NETO1: variants seen among roughly 807,000 people sequenced by gnomAD.
NETO1 encodes the protein neuropilin and tolloid-like protein 1.
NETO1 carries 26 observed loss-of-function variants against 61.3 expected under a neutral mutation model. The ratio of observed to expected loss-of-function variants is 0.42; its 90% CI spans 0.31 to 0.59. NETO1 has a LOEUF of 0.59. NETO1 is among the 20% of genes least tolerant of loss of function. The pLI is 0.12. For synonymous variants in NETO1, 225 were observed against 225.8 expected (o/e 1.00, Z 0.03); for missense variants, 531 against 662.8 (o/e 0.80, Z 2.18).
At chr18:72,808,067 G>A (rs1002614405) in intron 4 of NETO1, among the ~76,000 whole-genome samples, 2 of 152,216 alleles carry the variant, frequency 1.3e-5, no homozygotes, top group South Asian at 2.1e-4. Flanking sequence ...TGAATAAAAC[G>A]CCTCCATTAT....
chr18:72,754,233 AC>A (rs1324484572), intron 8 of NETO1, among the ~76,000 whole-genome samples: 1 of 152,126 alleles, frequency 6.6e-6, no homozygotes, highest in Non-Finnish European at 1.5e-5. Context: ...ACTAGAATAT[AC>A]TAACTTAAGG....
chr18:72,863,204 T>G (rs919500754), intron 3 of NETO1, among the ~76,000 whole-genome samples: 3 of 152,332 alleles, frequency 2.0e-5, no homozygotes, highest in African/African-American at 7.2e-5. Flanking sequence ...AGCCTCCTGC[T>G]GTATTTTCCT....
At chr18:72,792,433 T>TA (rs774108768) in intron 6 of NETO1, among the ~76,000 whole-genome samples, 6 of 151,556 alleles carry the variant, frequency 4.0e-5, no homozygotes, top group Non-Finnish European at 7.4e-5. Context: ...ACAAACAAAA[T>TA]AAAAAACAAC....
intron 4 of NETO1, among the ~76,000 whole-genome samples, chr18:72,813,428 C>T (rs988941939): frequency 7.2e-5 from 11 of 151,942 alleles, no homozygotes; most frequent in Admixed American, 5.2e-4. Context: ...TAATCACAGG[C>T]GCATAAGACC....
At chr18:72,777,213 T>A (rs943579317) in intron 7 of NETO1, among the ~76,000 whole-genome samples, 2 of 147,410 alleles carry the variant, frequency 1.4e-5, no homozygotes, top group Non-Finnish European at 3.0e-5. Flanking sequence ...AGGTCCAGAG[T>A]AAGCAACCAG....
At chr18:72,762,560 G>T (rs2071013267) in intron 7 of NETO1, among the ~76,000 whole-genome samples, 1 of 152,086 alleles carries the variant, frequency 6.6e-6, no homozygotes, top group Non-Finnish European at 1.5e-5. Context: ...TCATAAGTTT[G>T]CATGAAAAAA....
intron 2 of NETO1, 66 bp downstream of exon 2, chr18:72,865,122 G>A (rs1193269266): frequency 1.3e-6 from 2 of 1,494,730 alleles, no homozygotes; most frequent in African/African-American, 1.4e-5. Flanking sequence ...ATTAACAGTA[G>A]GAGGAAAATA....
intron 4 of NETO1, among the ~76,000 whole-genome samples, chr18:72,801,353 T>C (rs1464407692): frequency 1.3e-5 from 2 of 152,212 alleles, no homozygotes; most frequent in Non-Finnish European, 2.9e-5. Flanking sequence ...AGTGTTCCTT[T>C]ATCCAAAGGT....
At chr18:72,760,695 GC>G (rs1568177080) in intron 7 of NETO1, among the ~76,000 whole-genome samples, 2 of 152,068 alleles carry the variant, frequency 1.3e-5, no homozygotes. Context: ...ACTTACCCAA[GC>G]GACTTAATAA....
At chr18:72,831,892 T>G (rs1339670764) in intron 4 of NETO1, among the ~76,000 whole-genome samples, 1 of 152,188 alleles carries the variant, frequency 6.6e-6, no homozygotes, top group Non-Finnish European at 1.5e-5. Context: ...TCATGCCTTC[T>G]TCCTAGGTAA....
At position 72,853,036 on chromosome 18, in the gene NETO1, T is replaced by C. The variant is rs559494585; in HGVS notation, c.469+5790A>G. On this transcript the variant is annotated intron_variant, in intron 4 of 10. Transcript: ENST00000327305. The stretch of plus-strand genomic sequence containing the variant: ...TTTTAGTAGAGACAGAGTTTCACCA[T>C]GTTGGCCAGGTTGGTCTCAAACTCC... Among the ~76,000 whole-genome samples, 4 of 151,984 alleles carry C rather than the reference T, an allele frequency of 2.6e-5. No individual in the cohort carries two copies. The East Asian group carries it at 7.8e-4, about 30-fold the overall frequency.
At chr18:72,850,575 C>A (rs919669941) in intron 4 of NETO1, among the ~76,000 whole-genome samples, 2 of 152,050 alleles carry the variant, frequency 1.3e-5, no homozygotes, top group African/African-American at 2.4e-5. Flanking sequence ...ATATACAGGG[C>A]TTTAGTAATT....
At chr18:72,826,762 C>G (rs767708865) in intron 4 of NETO1, among the ~76,000 whole-genome samples, 1 of 152,114 alleles carries the variant, frequency 6.6e-6, no homozygotes, top group Non-Finnish European at 1.5e-5. Context: ...AGTGTTCCCC[C>G]ACAACTCAGG....
intron 4 of NETO1, among the ~76,000 whole-genome samples, chr18:72,817,778 T>C (rs1192695774): frequency 1.3e-5 from 2 of 152,240 alleles, no homozygotes; most frequent in South Asian, 4.1e-4. Context: ...TCTGTCTTGT[T>C]CTTTCTCTGT....
At chr18:72,843,522 C>A (rs9963732) in intron 4 of NETO1, among the ~76,000 whole-genome samples, 7,249 of 151,854 alleles carry the variant, frequency 0.048, 549 homozygotes, top group African/African-American at 0.16. Context: ...AAAGTTATAC[C>A]GGAAAAAAAA....
intron 7 of NETO1, among the ~76,000 whole-genome samples, chr18:72,759,428 T>A (rs1177499065): frequency 6.6e-6 from 1 of 152,236 alleles, no homozygotes; most frequent in African/African-American, 2.4e-5. Context: ...TAAAAATTAA[T>A]GTTTATGTTT....
chr18:72,783,946 A>G (rs1268050522), intron 6 of NETO1, 40 bp from the exon 7 acceptor site: 1 of 1,368,798 alleles, frequency 7.3e-7, no homozygotes. Flanking sequence ...ATATCAAAAT[A>G]TGAATGTACA....
At chr18:72,842,421 ATGG>A (rs1203811292) in intron 4 of NETO1, among the ~76,000 whole-genome samples, 1 of 152,124 alleles carries the variant, frequency 6.6e-6, no homozygotes, top group African/African-American at 2.4e-5. Context: ...TAATATGGCG[ATGG>A]TGATGATGAT....
chr18:72,781,591 G>GACC (rs2071742457), intron 7 of NETO1, among the ~76,000 whole-genome samples: 1 of 152,122 alleles, frequency 6.6e-6, no homozygotes, highest in African/African-American at 2.4e-5. Context: ...AAGACTGAGT[G>GACC]ACATTCAGTA....
Sources: allele counts gnomAD v4.1 joint callset (sites outside exome capture counted in the v4.1 genomes callset), GRCh38; gene constraint gnomAD v4.1.1; transcripts MANE v1.5; gene names NCBI Gene and HGNC (gene_info 2026-07-23, HGNC 2026-07-21).